The following GLDC variants were observed in gnomAD, a reference collection of about 807,000 sequenced individuals.
GLDC encodes the protein glycine dehydrogenase (decarboxylating), mitochondrial.
A neutral mutation model predicts 121.3 loss-of-function variants in GLDC; 104 were observed. That is an observed-to-expected ratio of 0.86 (90% CI 0.73 to 1.01). The LOEUF is 1.01. GLDC is among the 50% of genes least tolerant of loss of function. The pLI is 0.00. For synonymous variants in GLDC, 546 were observed against 480.6 expected (o/e 1.14, Z -1.78); for missense variants, 1,429 against 1,306.6 (o/e 1.09, Z -1.44).
chr9:6,644,570 G>T (rs1279275524), intron 2 of GLDC, 44 bp downstream of exon 2: 4 of 1,288,662 alleles, frequency 3.1e-6, no homozygotes, highest in Non-Finnish European at 4.5e-6. Flanking sequence ...AAGACAAATA[G>T]GCCAGAATAA....
chr9:6,569,900 A>T (rs896058876), intron 15 of GLDC, among the ~76,000 whole-genome samples: 4 of 151,232 alleles, frequency 2.6e-5, no homozygotes, highest in African/African-American at 9.7e-5. Flanking sequence ...CGCTTAAAGC[A>T]AGGAGGTGGA....
chr9:6,582,808 G>A (rs1426734605), intron 15 of GLDC, among the ~76,000 whole-genome samples: 13 of 149,474 alleles, frequency 8.7e-5, no homozygotes, highest in Non-Finnish European at 1.5e-4. Flanking sequence ...CAGTCTGGGC[G>A]ACAGAGCGAG....
chr9:6,574,853 G>C (rs1394914436), intron 15 of GLDC, among the ~76,000 whole-genome samples: 1 of 152,090 alleles, frequency 6.6e-6, no homozygotes, highest in African/African-American at 2.4e-5. Context: ...TCAACCATGA[G>C]CTCAGGAAGG....
intron 2 of GLDC, 136 bp downstream of exon 2, chr9:6,644,478 C>T: frequency 1.4e-6 from 1 of 706,684 alleles, no homozygotes; most frequent in Non-Finnish European, 2.6e-6. Context: ...TCCGGAGGTA[C>T]CCGCCACTGT....
chr9:6,630,770 T>A (rs1261872848), intron 2 of GLDC, among the ~76,000 whole-genome samples: 1 of 152,180 alleles, frequency 6.6e-6, no homozygotes, highest in Non-Finnish European at 1.5e-5. Context: ...CTCATCTTTC[T>A]GAAGGGAAGT....
intron 2 of GLDC, among the ~76,000 whole-genome samples, chr9:6,639,998 C>G (rs377074156): frequency 6.6e-6 from 1 of 152,176 alleles, no homozygotes; most frequent in Non-Finnish European, 1.5e-5. Context: ...CCAGGCTAAG[C>G]CAAACATGTA....
Position 6,587,287 on chromosome 9 carries a change from A to C in GLDC, c.1708-4T>G, listed in dbSNP as rs958950929. The C allele has an allele frequency of 1.2e-6, 2 of 1,610,214 alleles. No homozygotes were observed. Among genetic ancestry groups the C allele is most frequent in the Non-Finnish European group, 1.7e-6 (2 of 1,176,438 alleles). ...CAAATTCTTTCCATGTGATAGGCTG[A>C]AAAGAAAGAAAACAAAAATGCATAT... On this transcript the variant is annotated splice_polypyrimidine_tract_variant and splice_region_variant and intron_variant, in intron 14 of 24. Coordinates refer to ENST00000321612, the MANE Select transcript of GLDC (RefSeq NM_000170.3).
At chr9:6,558,170 T>C (rs1817676198) in intron 17 of GLDC, 2 of 396,618 alleles carry the variant, frequency 5.0e-6, no homozygotes, top group Admixed American at 8.1e-5. Flanking sequence ...ATGATGGGGC[T>C]GGCACAGTCA....
At chr9:6,601,099 G>C (rs138157427) in intron 8 of GLDC, among the ~76,000 whole-genome samples, 3,565 of 152,220 alleles carry the variant, frequency 0.023, 138 homozygotes, top group African/African-American at 0.081. Context: ...CTTGAAACCG[G>C]GCAGCAGAGG....
At position 6,631,036 on chromosome 9, in the gene GLDC, C is replaced by T. The variant is rs138391046; in HGVS notation, c.335-10717G>A. Among the ~76,000 whole-genome samples the T allele has an allele frequency of 2.6e-3, 403 of 152,298 alleles. 1 individual carries two copies. The highest frequency in any genetic ancestry group is 9.3e-3 in the African/African-American group (386 of 41,572). On this transcript the variant is annotated intron_variant, in intron 2 of 24. Transcript: ENST00000321612. ...AATCCATACGCTACGCTCTGCACAGCGTACAGAGGAAACTGAACCTAAAAC... is the reference window on the plus strand; with the variant it reads ...AATCCATACGCTACGCTCTGCACAGTGTACAGAGGAAACTGAACCTAAAAC...
At chr9:6,609,866 G>A (rs1818814372) in intron 4 of GLDC, among the ~76,000 whole-genome samples, 1 of 152,054 alleles carries the variant, frequency 6.6e-6, no homozygotes, top group African/African-American at 2.4e-5. Flanking sequence ...CCCAGTGGGG[G>A]ACCTGGCACC....
intron 15 of GLDC, among the ~76,000 whole-genome samples, chr9:6,581,067 G>C (rs1014657306): frequency 2.0e-5 from 3 of 152,168 alleles, no homozygotes; most frequent in Admixed American, 2.0e-4. Context: ...GCACGTTCTT[G>C]GTTGAAAGAC....
chr9:6,547,100 C>G lies in GLDC; in HGVS notation c.2569+3703G>C, dbSNP rs79274967. Reference sequence around the variant, plus strand: ...CATACTTTTAGACAACCCGCCTCAGCCTTCCAAAGTGCTTGGATTACAGGT... The same window carrying G: ...CATACTTTTAGACAACCCGCCTCAGGCTTCCAAAGTGCTTGGATTACAGGT... On this transcript the variant is annotated intron_variant, in intron 21 of 24. Transcript: ENST00000321612. Among the ~76,000 whole-genome samples, 1,130 of 152,228 alleles carry G rather than the reference C, an allele frequency of 7.4e-3. 36 individuals carry two copies. In the East Asian group the frequency reaches 0.1, roughly 14 times the overall value.
chr9:6,610,323 C>G lies in GLDC; in HGVS notation c.504G>C (p.Val168=). Residue 168 remains valine, a synonymous_variant, in exon 4 of 25, where the codon GTG becomes GTC. Coordinates refer to ENST00000321612, the MANE Select transcript of GLDC (RefSeq NM_000170.3). ...ITQYTPYQPE[V]SQGRLESLLN... is the part of the protein sequence containing the mutation. ...GTAAACTCTCCAGCCTCCCCTGAGA[C>G]ACCTCAGGCTGGTATGGAGTATACT... 6.2e-7 allele frequency: 1 copy of G among 1,613,662 alleles called. No homozygotes were observed. The highest frequency in any genetic ancestry group is 8.5e-7 in the Non-Finnish European group (1 of 1,179,546).
intron 7 of GLDC, among the ~76,000 whole-genome samples, chr9:6,603,311 T>C (rs917591682): frequency 6.6e-6 from 1 of 151,458 alleles, no homozygotes; most frequent in Non-Finnish European, 1.5e-5. Context: ...TAGGTGTTAA[T>C]AAGATGATTT....
At chr9:6,620,533 C>G (rs191592537) in intron 2 of GLDC, among the ~76,000 whole-genome samples, 7 of 151,410 alleles carry the variant, frequency 4.6e-5, no homozygotes, top group African/African-American at 1.5e-4. Flanking sequence ...TCAAGGTTGG[C>G]CCCCCCATCA....
At chr9:6,538,033 G>A (rs1817173393) in intron 22 of GLDC, among the ~76,000 whole-genome samples, 2 of 152,034 alleles carry the variant, frequency 1.3e-5, no homozygotes, top group Admixed American at 1.3e-4. Context: ...AACTTACAGT[G>A]AAATGCACAA....
At chr9:6,580,114 A>T (rs1394067288) in intron 15 of GLDC, among the ~76,000 whole-genome samples, 1 of 152,200 alleles carries the variant, frequency 6.6e-6, no homozygotes, top group Admixed American at 6.5e-5. Context: ...CCTTCGACCC[A>T]GGAACATTCC....
In GLDC at chr9:6,577,757, C is replaced by T. The variant is rs1415266482; in HGVS notation, c.1850+9384G>A. On this transcript the variant is annotated intron_variant, in intron 15 of 24. Coordinates refer to ENST00000321612, the MANE Select transcript of GLDC (RefSeq NM_000170.3). ...ATCTGTTGTACTAAATTTTATTTCA[C>T]TATATTTTATTTTCTTATAATTCCC... 6.6e-5 allele frequency among the ~76,000 whole-genome samples: 10 copies of T among 152,004 alleles called. No individual in the cohort carries two copies. The East Asian group carries it at 1.2e-3, about 18-fold the overall frequency.
Sources: gnomAD v4.1 joint callset for allele counts (sites outside exome capture counted in the v4.1 genomes callset) on GRCh38, gnomAD v4.1.1 for gene constraint, MANE v1.5 for transcripts, NCBI Gene and HGNC (gene_info 2026-07-23, HGNC 2026-07-21) for gene names.